Variants in RBFOX1 observed in about 807,000 individuals in gnomAD.
The protein encoded by RBFOX1 is RNA binding protein fox-1 homolog 1.
RBFOX1 carries 8 observed loss-of-function variants against 57.7 expected under a neutral mutation model. The ratio of observed to expected loss-of-function variants is 0.14; its 90% CI spans 0.08 to 0.25. The LOEUF (loss-of-function observed/expected upper bound fraction) is 0.25. Among genes scored for constraint, RBFOX1 ranks in the 10% least tolerant of loss-of-function variants. RBFOX1 has a pLI of 1.00. For missense variants in RBFOX1, 611 were observed against 548.5 expected (o/e 1.11, Z -1.14); for synonymous variants, 326 against 222.4 (o/e 1.47, Z -4.15).
intron 2 of RBFOX1, among the ~76,000 whole-genome samples, chr16:6,529,650 GAAGT>G (rs1263343116): frequency 1.3e-5 from 2 of 151,920 alleles, no homozygotes; most frequent in Non-Finnish European, 2.9e-5. Flanking sequence ...GCTATGGTAT[GAAGT>G]AAGATACTAC....
intron 4 of RBFOX1, among the ~76,000 whole-genome samples, chr16:7,158,559 G>T (rs1177007442): frequency 3.3e-5 from 5 of 152,046 alleles, no homozygotes; most frequent in South Asian, 2.1e-4. Flanking sequence ...ATCTATGTCT[G>T]TGTGGTGTGT....
At chr16:6,613,166 G>C (rs759028015) in intron 2 of RBFOX1, among the ~76,000 whole-genome samples, 1 of 152,022 alleles carries the variant, frequency 6.6e-6, no homozygotes, top group Non-Finnish European at 1.5e-5. Context: ...TGCTTGCTGC[G>C]TGGGTCCCTC....
rs555731756 is a variant in RBFOX1, at chr16:7,474,130, T to C, written c.28-44017T>C. On this transcript the variant is annotated intron_variant, in intron 4 of 15. Transcript: ENST00000550418. ...GGTGAAACTCTGTCTCTACTAAAAA[T>C]ACAAAAATTAGCCAGGCATGGTGGC... 2.6e-5 allele frequency among the ~76,000 whole-genome samples: 4 copies of C among 151,996 alleles called. 1 individual carries two copies. Among genetic ancestry groups the C allele is most frequent in the African/African-American group, 9.7e-5 (4 of 41,434 alleles).
At chr16:6,738,215 T>C (rs1312711242) in intron 3 of RBFOX1, among the ~76,000 whole-genome samples, 1 of 152,134 alleles carries the variant, frequency 6.6e-6, no homozygotes, top group African/African-American at 2.4e-5. Context: ...GTACATCAAA[T>C]AGTAATGGAC....
chr16:6,247,236 C>G lies in RBFOX1; in HGVS notation c.-126-69759C>G, dbSNP rs1016018189. On this transcript the variant is annotated intron_variant, in intron 1 of 15. Coordinates refer to ENST00000550418, the MANE Select transcript of RBFOX1 (RefSeq NM_018723.4). ...GACTCACTTTCTTCCCCTTGTCTCC[C>G]AGGATCTTGCTGGACGTGTAATAGT... Among the ~76,000 whole-genome samples, 5 of 152,274 alleles carry G rather than the reference C, an allele frequency of 3.3e-5. No homozygotes were observed. The East Asian group carries it at 7.7e-4, about 24-fold the overall frequency.
intron 5 of RBFOX1, among the ~76,000 whole-genome samples, chr16:7,579,213 A>G (rs1335500452): frequency 1.3e-5 from 2 of 152,248 alleles, no homozygotes; most frequent in Non-Finnish European, 2.9e-5. Context: ...AGAATAAGTC[A>G]ATCAGCTGGT....
At chr16:6,833,016 C>G (rs888017067) in intron 3 of RBFOX1, among the ~76,000 whole-genome samples, 29 of 152,264 alleles carry the variant, frequency 1.9e-4, no homozygotes, top group Admixed American at 8.5e-4. Context: ...TAACTCAGCA[C>G]TAGTCCTACA....
At chr16:5,888,935 G>C (rs551883274) in intron 4 of RBFOX1, among the ~76,000 whole-genome samples, 2 of 152,194 alleles carry the variant, frequency 1.3e-5, no homozygotes, top group South Asian at 2.1e-4. Flanking sequence ...CCTAGATACT[G>C]GGAAGATCTC....
At chr16:5,846,722 A>G (rs1021018686) in intron 3 of RBFOX1, among the ~76,000 whole-genome samples, 15 of 152,226 alleles carry the variant, frequency 9.9e-5, no homozygotes, top group African/African-American at 3.6e-4. Context: ...GCCATTGCTC[A>G]GGTAGCCAAG....
rs1180721555 is a variant in RBFOX1, at chr16:7,630,672, A to G, written c.746A>G (p.Tyr249Cys). 1 of 1,614,060 alleles carries G rather than the reference A, an allele frequency of 6.2e-7. No individual in the cohort carries two copies. The highest frequency in any genetic ancestry group is 8.5e-7 in the Non-Finnish European group (1 of 1,180,014). ...SMYSAPSSLVYTSAMPGFPYP... is the reference protein window; with the variant it reads ...SMYSAPSSLVCTSAMPGFPYP... ...TACAGTGCCCCCAGTTCACTTGTAT[A>G]TACTTCTGCAAGTAAGCCCACTGTC... The change falls in exon 11 of 16, where the codon TAT (tyrosine) becomes TGT (cysteine). Residue 249 changes from tyrosine (Y) to cysteine (C), a missense_variant. This residue lies in a region of RBFOX1 where 267 missense variants were observed against 229.1 expected (regional missense o/e 1.17). Transcript: ENST00000550418.
chr16:7,303,575 A>C (rs747666278), intron 4 of RBFOX1, among the ~76,000 whole-genome samples: 76 of 152,288 alleles, frequency 5.0e-4, no homozygotes, highest in Admixed American at 9.8e-4. Flanking sequence ...AACAAACAAA[A>C]AAAATAAATA....
At chr16:5,306,104 G>T (rs2063926236) in intron 1 of RBFOX1, among the ~76,000 whole-genome samples, 1 of 152,176 alleles carries the variant, frequency 6.6e-6, no homozygotes, top group African/African-American at 2.4e-5. Flanking sequence ...GGGAGGCTGT[G>T]ATGGGAGGAT....
At chr16:5,962,808 T>C (rs1168002868) in intron 4 of RBFOX1, among the ~76,000 whole-genome samples, 1 of 142,236 alleles carries the variant, frequency 7.0e-6, no homozygotes, top group East Asian at 2.0e-4. Context: ...GTATGAGAAG[T>C]GAGGGTTTGG....
chr16:5,637,910 G>C lies in RBFOX1; in HGVS notation c.318+38949G>C, dbSNP rs2048735636. On this transcript the variant is annotated intron_variant, in intron 3 of 19. Transcript: ENST00000641259. ...CTGGAGGAAATGACCCTGTTTCCTT[G>C]GCCAAGCACCAAGCCTTCTTTTGAA... Among the ~76,000 whole-genome samples, 3 of 152,154 alleles carry C rather than the reference G, an allele frequency of 2.0e-5. No homozygotes were observed. In the South Asian group the frequency reaches 6.2e-4, roughly 31 times the overall value.
At chr16:5,712,597 G>A (rs1165697606) in intron 3 of RBFOX1, among the ~76,000 whole-genome samples, 2 of 146,128 alleles carry the variant, frequency 1.4e-5, no homozygotes, top group Non-Finnish European at 3.1e-5. Flanking sequence ...TCCCATAACA[G>A]GTAGGTGACT....
At chr16:7,094,550 A>G (rs1160040103) in intron 4 of RBFOX1, among the ~76,000 whole-genome samples, 1 of 152,030 alleles carries the variant, frequency 6.6e-6, no homozygotes, top group Non-Finnish European at 1.5e-5. Flanking sequence ...TTATCATTCG[A>G]AGTCAGACTG....
At chr16:6,686,144 T>C (rs1300229655) in intron 3 of RBFOX1, among the ~76,000 whole-genome samples, 1 of 152,214 alleles carries the variant, frequency 6.6e-6, no homozygotes, top group East Asian at 1.9e-4. Context: ...CTTCTACATA[T>C]TAAGCAGAGA....
intron 4 of RBFOX1, among the ~76,000 whole-genome samples, chr16:7,189,313 C>T (rs1055711445): frequency 6.6e-6 from 1 of 150,938 alleles, no homozygotes; most frequent in Middle Eastern, 3.4e-3. Flanking sequence ...GAAGTCACAG[C>T]TACTCAGGAG....
chr16:5,896,796 C>T (rs2152165991), intron 4 of RBFOX1, among the ~76,000 whole-genome samples: 1 of 152,166 alleles, frequency 6.6e-6, no homozygotes, highest in East Asian at 1.9e-4. Context: ...TAGTATGTGG[C>T]ATCCAGTGTT....
Sources: gnomAD v4.1 joint callset for allele counts (sites outside exome capture counted in the v4.1 genomes callset) on GRCh38, gnomAD v4.1.1 for gene constraint, gnomAD v4.1.1 regional missense constraint, MANE v1.5 for transcripts, NCBI Gene and HGNC (gene_info 2026-07-23, HGNC 2026-07-21) for gene names.